NYAP2: variants seen among roughly 807,000 people sequenced by gnomAD.
NYAP2 encodes the protein neuronal tyrosine-phosphorylated phosphoinositide-3-kinase adapter 2.
A neutral mutation model predicts 50.4 loss-of-function variants in NYAP2; 23 were observed. That is an observed-to-expected ratio of 0.46 (90% CI 0.33 to 0.65). The LOEUF is 0.65. NYAP2 is among the 30% of genes least tolerant of loss of function. NYAP2 has a pLI of 0.02. For synonymous variants in NYAP2, 394 were observed against 365.2 expected (o/e 1.08, Z -0.90); for missense variants, 885 against 861.0 (o/e 1.03, Z -0.35).
rs367790714 is a variant in NYAP2 at position 225,582,643 on chromosome 2, C to T, written c.1226C>T (p.Ala409Val). Residue 409 changes from alanine (A) to valine (V), a missense_variant, in exon 5 of 7, where the codon GCG becomes GTG. By Grantham distance (64) the Ala-to-Val change is moderately conservative (BLOSUM62 0). Transcript: ENST00000636099. This position sits in a 1 kb window ranked among gnomAD's most constrained non-coding sequence, Gnocchi z 7.0. ...CTGGGACCTGCCTCTGCCACCCCTG[C>T]GCTCTCCTCGTCGCCCCCACCCCCG... 3.3e-5 allele frequency: 52 copies of T among 1,596,582 alleles called. No homozygotes were observed. In the South Asian group the frequency reaches 5.1e-4, roughly 16 times the overall value.
intron 3 of NYAP2, among the ~76,000 whole-genome samples, chr2:225,484,436 T>C (rs1690256238): frequency 1.3e-5 from 2 of 152,226 alleles, no homozygotes; most frequent in African/African-American, 4.8e-5. Context: ...AGACATAGTT[T>C]ATCATTTTAT....
At chr2:225,544,881 A>T (rs1332584005) in intron 4 of NYAP2, among the ~76,000 whole-genome samples, 4 of 152,182 alleles carry the variant, frequency 2.6e-5, no homozygotes, top group Non-Finnish European at 5.9e-5. Flanking sequence ...GTATTGGTGA[A>T]ATCCCTCAGC....
chr2:225,615,551 A>C (rs981037092), intron 5 of NYAP2, among the ~76,000 whole-genome samples: 3 of 152,202 alleles, frequency 2.0e-5, no homozygotes, highest in Non-Finnish European at 4.4e-5. Flanking sequence ...ATTATTTGCA[A>C]CTATTTTATG....
intron 4 of NYAP2, 78 bp downstream of exon 4, chr2:225,513,750 G>A: frequency 8.4e-7 from 1 of 1,196,460 alleles, no homozygotes; most frequent in Non-Finnish European, 1.1e-6. Flanking sequence ...AGGGGCAAGT[G>A]CCTTCTTCAC....
At chr2:225,609,091 C>T (rs1431073) in intron 5 of NYAP2, among the ~76,000 whole-genome samples, 77,688 of 151,894 alleles carry the variant, frequency 0.51, 20,439 homozygotes, top group South Asian at 0.67. Context: ...TAATTGACTC[C>T]CAGTCCCTGT....
chr2:225,557,434 G>A (rs1372245700), intron 4 of NYAP2, among the ~76,000 whole-genome samples: 1 of 151,554 alleles, frequency 6.6e-6, no homozygotes, highest in Non-Finnish European at 1.5e-5. Context: ...ATGTTTGTAT[G>A]TATGTTTGTA....
In NYAP2 at chr2:225,582,425, G is replaced by A. The variant is rs745799814; in HGVS notation, c.1008G>A (p.Leu336=). ...ACCTGCTTTCTCACAGACCCCCGCT[G>A]CTGGTATTTCCCCCCGCCCCCGTGC... The change falls in exon 5 of 7, where the codon CTG becomes CTA. Residue 336 remains leucine, a synonymous_variant. Coordinates refer to ENST00000636099, the Ensembl canonical transcript of NYAP2. The surrounding 1 kb of genome is among the most constrained non-coding windows in gnomAD (Gnocchi z 7.0). 3 of 1,586,532 alleles carry A rather than the reference G, an allele frequency of 1.9e-6. No homozygotes were observed. Among genetic ancestry groups the A allele is most frequent in the Admixed American group, 3.4e-5 (2 of 58,298 alleles).
Position 225,565,795 on chromosome 2 carries a change from G to A in NYAP2, c.524-16146G>A, listed in dbSNP as rs905569649. On this transcript the variant is annotated intron_variant, in intron 4 of 6. Coordinates refer to ENST00000636099, the Ensembl canonical transcript of NYAP2. ...TAACAGTTGAGCTCAACAAGGCTTCGTAAAGTTAGAGTTGACTTTCCCAAG... is the reference window on the plus strand; with the variant it reads ...TAACAGTTGAGCTCAACAAGGCTTCATAAAGTTAGAGTTGACTTTCCCAAG... Among the ~76,000 whole-genome samples, 6 of 152,060 alleles carry A rather than the reference G, an allele frequency of 3.9e-5. 1 individual carries two copies. In the South Asian group the frequency reaches 6.2e-4, roughly 16 times the overall value.
intron 4 of NYAP2, among the ~76,000 whole-genome samples, chr2:225,522,470 T>C (rs1024359519): frequency 1.3e-5 from 2 of 152,138 alleles, no homozygotes; most frequent in Admixed American, 6.6e-5. Context: ...GTTACAATCT[T>C]GGAATGTGTG....
At chr2:225,516,090 A>T (rs989709024) in intron 4 of NYAP2, among the ~76,000 whole-genome samples, 8 of 152,114 alleles carry the variant, frequency 5.3e-5, no homozygotes, top group African/African-American at 1.9e-4. Context: ...GAAAGTATGG[A>T]GAAAATCGTG....
intron 3 of NYAP2, among the ~76,000 whole-genome samples, chr2:225,420,679 C>T (rs145299502): frequency 1.3e-3 from 202 of 151,242 alleles, no homozygotes; most frequent in African/African-American, 4.2e-3. Flanking sequence ...GACGTGATCT[C>T]ATCTCACTGC....
intron 5 of NYAP2, among the ~76,000 whole-genome samples, chr2:225,614,449 T>C (rs933654719): frequency 6.6e-6 from 1 of 152,216 alleles, no homozygotes; most frequent in Non-Finnish European, 1.5e-5. Flanking sequence ...ATGATCATTC[T>C]AGAGATTCAA....
At chr2:225,403,814 T>C (rs144856977) in intron 2 of NYAP2, among the ~76,000 whole-genome samples, 18 of 152,140 alleles carry the variant, frequency 1.2e-4, no homozygotes, top group African/African-American at 3.4e-4. Context: ...TAAATGGAGA[T>C]AAATTGCCCA....
the NYAP2 span, among the ~76,000 whole-genome samples, chr2:225,685,748 G>A: frequency 1.3e-5 from 2 of 152,044 alleles, no homozygotes; most frequent in East Asian, 3.9e-4. Flanking sequence ...CCATGGTTCT[G>A]TATGTGGACA....
At chr2:225,432,265 G>A (rs540721619) in intron 3 of NYAP2, among the ~76,000 whole-genome samples, 1 of 150,814 alleles carries the variant, frequency 6.6e-6, no homozygotes, top group Middle Eastern at 3.5e-3. Context: ...CAAAGTGCTG[G>A]GATTACAGGC....
At chr2:225,516,190 T>C (rs1303818144) in intron 4 of NYAP2, among the ~76,000 whole-genome samples, 1 of 152,186 alleles carries the variant, frequency 6.6e-6, no homozygotes, top group Non-Finnish European at 1.5e-5. Flanking sequence ...GTTTCATCGC[T>C]AGTTCCTGGG....
intron 3 of NYAP2, among the ~76,000 whole-genome samples, chr2:225,445,802 A>G (rs1393429814): frequency 6.6e-6 from 1 of 152,122 alleles, no homozygotes; most frequent in Non-Finnish European, 1.5e-5. Context: ...AATTCAAAAT[A>G]TTTTAACTAT....
At chr2:225,480,794 TTC>T (rs2106164928) in intron 3 of NYAP2, among the ~76,000 whole-genome samples, 1 of 152,258 alleles carries the variant, frequency 6.6e-6, no homozygotes, top group South Asian at 2.1e-4. Flanking sequence ...CAATTTGGTT[TTC>T]TTTCTTATAT....
chr2:225,683,017 C>G, the NYAP2 span, among the ~76,000 whole-genome samples: 7 of 152,086 alleles, frequency 4.6e-5, no homozygotes, highest in East Asian at 1.9e-4. Flanking sequence ...ATTTCCCCCC[C>G]CCATTCTGTT....
Sources: allele counts gnomAD v4.1 joint callset (sites outside exome capture counted in the v4.1 genomes callset), GRCh38; gene constraint gnomAD v4.1.1; non-coding constraint Gnocchi (gnomAD v3.1); transcripts MANE v1.5; gene names NCBI Gene and HGNC (gene_info 2026-07-23, HGNC 2026-07-21).